RSRC1: variants seen among roughly 807,000 people sequenced by gnomAD.
The protein encoded by RSRC1 is arginine and serine rich coiled-coil 1, also known as serine/Arginine-related protein 53.
A neutral mutation model predicts 49.1 loss-of-function variants in RSRC1; 39 were observed. The observed-to-expected ratio is 0.79, with a 90% CI of 0.61 to 1.04. RSRC1 has a LOEUF of 1.04. RSRC1 is among the 50% of genes least tolerant of loss of function. The probability of loss-of-function intolerance (pLI) is 0.00; values close to 1 mark genes in which losing one functional copy is unlikely to be tolerated. For missense variants in RSRC1, 388 were observed against 402.4 expected (o/e 0.96, Z 0.31); for synonymous variants, 143 against 130.8 (o/e 1.09, Z -0.63).
intron 7 of RSRC1, among the ~76,000 whole-genome samples, chr3:158,478,938 G>T (rs1347971928): frequency 1.7e-5 from 2 of 119,056 alleles, no homozygotes; most frequent in Non-Finnish European, 1.7e-5. Context: ...AAAGATACAA[G>T]GAGAAAAAGC....
rs140439204 is a variant in RSRC1, at chr3:158,129,538, G to A, written c.320+5547G>A. Among the ~76,000 whole-genome samples the A allele has an allele frequency of 1.5e-3, 234 of 152,046 alleles. 1 individual carries two copies. The East Asian group carries it at 0.04, about 26-fold the overall frequency. On this transcript the variant is annotated intron_variant, in intron 3 of 9. Transcript: ENST00000611884. ...ACTCCTGACCTCAAGTGATCCGCCC[G>A]CCTTGGCCTCCCAGAGTGCTGGGAT... is the stretch of plus-strand genomic sequence containing the variant.
chr3:158,453,530 G>A (rs1737162293), intron 6 of RSRC1, among the ~76,000 whole-genome samples: 1 of 151,718 alleles, frequency 6.6e-6, no homozygotes, highest in South Asian at 2.1e-4. Flanking sequence ...TCAGGCACAT[G>A]CCACCAAGCC....
intron 4 of RSRC1, among the ~76,000 whole-genome samples, chr3:158,285,051 A>C (rs1726432110): frequency 6.6e-6 from 1 of 152,150 alleles, no homozygotes; most frequent in South Asian, 2.1e-4. Flanking sequence ...TCTTTAATCC[A>C]TCTTGAATTA....
chr3:158,509,745 T>C (rs1395008040), intron 7 of RSRC1, among the ~76,000 whole-genome samples: 1 of 152,236 alleles, frequency 6.6e-6, no homozygotes. Context: ...TGGTATACCA[T>C]AGTGATAGTA....
At chr3:158,202,098 T>G (rs1487818686) in intron 3 of RSRC1, among the ~76,000 whole-genome samples, 1 of 152,176 alleles carries the variant, frequency 6.6e-6, no homozygotes, top group African/African-American at 2.4e-5. Flanking sequence ...CACTGCAACC[T>G]CCACCTCCGA....
chr3:158,244,299 A>G (rs189818394), intron 4 of RSRC1, among the ~76,000 whole-genome samples: 108 of 152,310 alleles, frequency 7.1e-4, no homozygotes, highest in Middle Eastern at 3.4e-3. Context: ...TGTTTCTTCA[A>G]TACTTAATTT....
At position 158,354,233 on chromosome 3, in the gene RSRC1, C is replaced by T. The variant is rs184837479; in HGVS notation, c.532-624C>T. On this transcript the variant is annotated intron_variant, in intron 5 of 9. Transcript: ENST00000611884. ...CTCGATCTCTTGACCTTGTGATCCA[C>T]CCGCCTCGGCCTCCCAAAGTGCTGG... 5.6e-4 allele frequency among the ~76,000 whole-genome samples: 85 copies of T among 152,162 alleles called. No homozygotes were observed. In the East Asian group the frequency reaches 0.013, roughly 22 times the overall value.
chr3:158,155,827 C>T lies in RSRC1; in HGVS notation c.320+31836C>T, dbSNP rs80263312. ...TTCAGCAAACCATGTTGTAAACTTACATGCTATCATCCAGGCTTTGTTGTT... is the reference window on the plus strand; with the variant it reads ...TTCAGCAAACCATGTTGTAAACTTATATGCTATCATCCAGGCTTTGTTGTT... On this transcript the variant is annotated intron_variant, in intron 3 of 9. Coordinates refer to ENST00000611884, the MANE Select transcript of RSRC1 (RefSeq NM_001271838.2). Among the ~76,000 whole-genome samples the T allele has an allele frequency of 4.0e-3, 602 of 152,258 alleles. 6 individuals are homozygous for T. Among genetic ancestry groups the T allele is most frequent in the African/African-American group, 0.014 (569 of 41,558 alleles).
intron 4 of RSRC1, among the ~76,000 whole-genome samples, chr3:158,268,586 A>G (rs753249748): frequency 6.6e-6 from 1 of 152,176 alleles, no homozygotes; most frequent in Non-Finnish European, 1.5e-5. Flanking sequence ...AATAAATATA[A>G]CAGTAACTCT....
At chr3:158,384,676 C>G (rs1473180315) in intron 6 of RSRC1, among the ~76,000 whole-genome samples, 1 of 152,138 alleles carries the variant, frequency 6.6e-6, no homozygotes, top group African/African-American at 2.4e-5. Context: ...TCTGCCTCAA[C>G]AGAAACTTGG....
At chr3:158,165,281 G>T (rs1322776564) in intron 3 of RSRC1, among the ~76,000 whole-genome samples, 2 of 152,184 alleles carry the variant, frequency 1.3e-5, no homozygotes, top group Non-Finnish European at 2.9e-5. Flanking sequence ...ATGCATTAAG[G>T]TGAAGTACAG....
chr3:158,330,602 T>C (rs751026130), intron 5 of RSRC1, among the ~76,000 whole-genome samples: 2 of 152,152 alleles, frequency 1.3e-5, no homozygotes, highest in African/African-American at 2.4e-5. Flanking sequence ...TCTTTATTGT[T>C]GGATATTTAG....
intron 3 of RSRC1, among the ~76,000 whole-genome samples, chr3:158,173,978 T>C (rs1048119262): frequency 5.9e-5 from 9 of 151,908 alleles, no homozygotes; most frequent in African/African-American, 2.2e-4. Context: ...TATATGAATA[T>C]GAGAGATTTT....
chr3:158,425,826 T>G (rs970692193), intron 6 of RSRC1, among the ~76,000 whole-genome samples: 9 of 151,854 alleles, frequency 5.9e-5, no homozygotes, highest in African/African-American at 1.9e-4. Flanking sequence ...TTTTAAAAAT[T>G]CATATTGAAT....
chr3:158,212,591 T>G (rs1169118244), intron 4 of RSRC1, among the ~76,000 whole-genome samples: 1 of 151,932 alleles, frequency 6.6e-6, no homozygotes, highest in East Asian at 1.9e-4. Context: ...TCTGTTGATT[T>G]TGTATATGGT....
intron 4 of RSRC1, among the ~76,000 whole-genome samples, chr3:158,273,524 C>T (rs936757968): frequency 6.6e-6 from 1 of 151,942 alleles, no homozygotes; most frequent in Non-Finnish European, 1.5e-5. Flanking sequence ...TAAATTATCC[C>T]CCATTCTATC....
intron 4 of RSRC1, among the ~76,000 whole-genome samples, chr3:158,258,913 C>CT (rs1009602472): frequency 2.0e-5 from 3 of 152,014 alleles, no homozygotes; most frequent in Non-Finnish European, 4.4e-5. Flanking sequence ...TTATTGCAGT[C>CT]TTTTTATTAA....
intron 5 of RSRC1, among the ~76,000 whole-genome samples, chr3:158,317,572 T>C (rs532625306): frequency 7.3e-5 from 11 of 150,012 alleles, no homozygotes; most frequent in Middle Eastern, 3.6e-3. Context: ...TTTTATTTTA[T>C]TTGTGAGACA....
At chr3:158,200,603 T>G (rs1720987763) in intron 3 of RSRC1, among the ~76,000 whole-genome samples, 1 of 152,180 alleles carries the variant, frequency 6.6e-6, no homozygotes, top group Non-Finnish European at 1.5e-5. Flanking sequence ...ATGAGTATTT[T>G]TAATAATTCC....
Sources: gnomAD v4.1 joint callset for allele counts (sites outside exome capture counted in the v4.1 genomes callset) on GRCh38, gnomAD v4.1.1 for gene constraint, MANE v1.5 for transcripts, NCBI Gene and HGNC (gene_info 2026-07-23, HGNC 2026-07-21) for gene names.